ADAMTS18: variants seen among roughly 807,000 people sequenced by gnomAD.
ADAMTS18 encodes A disintegrin and metalloproteinase with thrombospondin motifs 18.
In ADAMTS18, 157 loss-of-function variants were observed where a neutral mutation model predicts 165.9. The ratio of observed to expected loss-of-function variants is 0.95; its 90% CI spans 0.83 to 1.08. The LOEUF is 1.08. Among genes scored for constraint, ADAMTS18 ranks in the 50% least tolerant of loss-of-function variants. The pLI, the probability that ADAMTS18 is intolerant of heterozygous loss-of-function variation, is 0.00. For missense variants in ADAMTS18, 2,040 were observed against 1,534.0 expected (o/e 1.33, Z -5.51); for synonymous variants, 782 against 578.2 (o/e 1.35, Z -5.06).
At chr16:77,426,750 G>A (rs751912073) in intron 3 of ADAMTS18, among the ~76,000 whole-genome samples, 15 of 152,204 alleles carry the variant, frequency 9.9e-5, no homozygotes, top group Middle Eastern at 3.4e-3. Context: ...GGTGGGGTGT[G>A]GTGGCTCAAG....
At chr16:77,374,881 A>T (rs2056926991) in intron 3 of ADAMTS18, among the ~76,000 whole-genome samples, 1 of 152,110 alleles carries the variant, frequency 6.6e-6, no homozygotes, top group African/African-American at 2.4e-5. Context: ...ACAAAACAAG[A>T]ATTTTACAGT....
At chr16:77,331,184 T>C (rs1427392896) in intron 12 of ADAMTS18, among the ~76,000 whole-genome samples, 1 of 152,186 alleles carries the variant, frequency 6.6e-6, no homozygotes, top group Non-Finnish European at 1.5e-5. Flanking sequence ...CAATGCCCTA[T>C]TATAATGAGA....
chr16:77,427,871 A>G (rs1159058626), intron 3 of ADAMTS18, among the ~76,000 whole-genome samples: 1 of 152,224 alleles, frequency 6.6e-6, no homozygotes, highest in East Asian at 1.9e-4. Flanking sequence ...ACAGTCTGCT[A>G]GCAAAATTTT....
chr16:77,382,372 G>A (rs1449503368), intron 3 of ADAMTS18, among the ~76,000 whole-genome samples: 2 of 152,034 alleles, frequency 1.3e-5, no homozygotes, highest in East Asian at 3.9e-4. Flanking sequence ...CACCACGCCT[G>A]GCTAATTTTT....
rs112141546 is a variant in ADAMTS18 at position 77,367,618 on chromosome 16, C to T, written c.601G>A (p.Val201Ile). The T allele has an allele frequency of 9.2e-4, 1,492 of 1,614,140 alleles. 13 individuals are homozygous for T. In the African/African-American group the frequency reaches 0.018, roughly 19 times the overall value. ...TCCTCTGCTGTCCTTTTGTACAGTACGTGAGGATGGTGACCCGCAGGGGAG... is the reference window on the plus strand; with the variant it reads ...TCCTCTGCTGTCCTTTTGTACAGTATGTGAGGATGGTGACCCGCAGGGGAG... ...YSSPAGHHPH[V>I]LYKRTAEEKI... The change falls in exon 4 of 23, where the codon GTA becomes ATA. Residue 201 changes from valine to isoleucine, a missense_variant. By Grantham distance (29) the Val-to-Ile change is conservative. Coordinates refer to ENST00000282849, the MANE Select transcript of ADAMTS18 (RefSeq NM_199355.4).
intron 3 of ADAMTS18, among the ~76,000 whole-genome samples, chr16:77,390,493 C>G (rs2057170733): frequency 6.6e-6 from 1 of 151,968 alleles, no homozygotes; most frequent in African/African-American, 2.4e-5. Context: ...AGTTTGAGAC[C>G]AGCCTGACCG....
intron 2 of ADAMTS18, among the ~76,000 whole-genome samples, chr16:77,432,105 TC>T (rs1007278466): frequency 3.7e-4 from 57 of 152,292 alleles, no homozygotes; most frequent in African/African-American, 1.1e-3. Context: ...ACATTTCAAG[TC>T]CTAACTCACA....
intron 16 of ADAMTS18, among the ~76,000 whole-genome samples, chr16:77,314,753 C>CATATGTATATATATATATATATATAT (rs2055852182): frequency 2.7e-5 from 1 of 36,902 alleles, no homozygotes; most frequent in African/African-American, 1.1e-4. Context: ...TCTCAGGTTT[C>CATATGTATATATATATATATATATAT]ATATATATAT....
At chr16:77,429,659 A>C (rs1037379666) in intron 3 of ADAMTS18, among the ~76,000 whole-genome samples, 1 of 152,194 alleles carries the variant, frequency 6.6e-6, no homozygotes, top group East Asian at 1.9e-4. Context: ...CTCATGTGAA[A>C]TTTTGATAAT....
chr16:77,389,366 T>C lies in ADAMTS18; in HGVS notation c.496-21643A>G, dbSNP rs201767961. On this transcript the variant is annotated intron_variant, in intron 3 of 22. Coordinates refer to ENST00000282849, the MANE Select transcript of ADAMTS18 (RefSeq NM_199355.4). Reference sequence around the variant, plus strand: ...ATTCCACAAAATGCATCTAAGATTATAGCTTAAGTGAGGGGGTAGGTTTTG... The same window carrying C: ...ATTCCACAAAATGCATCTAAGATTACAGCTTAAGTGAGGGGGTAGGTTTTG... 6.6e-5 allele frequency among the ~76,000 whole-genome samples: 10 copies of C among 152,184 alleles called. No homozygotes were observed. In the East Asian group the frequency reaches 1.9e-3, roughly 29 times the overall value.
At chr16:77,346,885 T>C (rs1209894810) in intron 10 of ADAMTS18, among the ~76,000 whole-genome samples, 3 of 152,200 alleles carry the variant, frequency 2.0e-5, no homozygotes, top group Non-Finnish European at 2.9e-5. Context: ...TTGGCAGATA[T>C]ATACACCACT....
intron 15 of ADAMTS18, among the ~76,000 whole-genome samples, chr16:77,320,413 C>T (rs577508129): frequency 1.4e-4 from 22 of 152,186 alleles, no homozygotes; most frequent in East Asian, 3.9e-4. Flanking sequence ...CCAAAGTGGG[C>T]GGATCACCCA....
rs544515269 is a variant in ADAMTS18 at position 77,434,401 on chromosome 16, G to T, written c.178+17C>A. 2 of 1,562,788 alleles carry T rather than the reference G, an allele frequency of 1.3e-6. No individual in the cohort carries two copies. The highest frequency in any genetic ancestry group is 1.7e-4 in the Middle Eastern group (1 of 5,992). ...GCTGCGAAAGGCCCTTCTTGGGGAT[G>T]GGGGGCAAATACGAACCATCATTTA... On this transcript the variant is annotated intron_variant, in intron 2 of 22. Transcript: ENST00000282849.
At chr16:77,361,575 T>C (rs961469728) in intron 7 of ADAMTS18, among the ~76,000 whole-genome samples, 1 of 152,054 alleles carries the variant, frequency 6.6e-6, no homozygotes, top group Admixed American at 6.6e-5. Context: ...TCAATGATCA[T>C]CAGTAGGATC....
chr16:77,287,256 C>T (rs1331463625), intron 22 of ADAMTS18, among the ~76,000 whole-genome samples: 1 of 152,152 alleles, frequency 6.6e-6, no homozygotes, highest in Middle Eastern at 3.2e-3. Flanking sequence ...CGCCTCCTTA[C>T]TGCTCACTAA....
chr16:77,300,709 T>A (rs551026851), intron 16 of ADAMTS18, among the ~76,000 whole-genome samples: 6 of 152,174 alleles, frequency 3.9e-5, no homozygotes, highest in South Asian at 2.1e-4. Flanking sequence ...CACACACATA[T>A]ATGTATCATA....
intron 16 of ADAMTS18, among the ~76,000 whole-genome samples, chr16:77,315,849 T>A (rs1475231737): frequency 2.6e-5 from 4 of 152,190 alleles, no homozygotes; most frequent in Non-Finnish European, 5.9e-5. Flanking sequence ...TTTTCATGCA[T>A]TTTAAACACA....
chr16:77,353,816 G>A lies in ADAMTS18; in HGVS notation c.1531C>T (p.Pro511Ser). Residue 511 changes from proline to serine, a missense_variant, in exon 10 of 23, where the codon CCA (proline) becomes TCA (serine). Pro to Ser is a moderately conservative substitution (Grantham distance 74). Transcript: ENST00000282849. ...GTGTCAGCATCATAAATCTGTCCTGGTAGTTTGTCCGGATATTTATACTGT... is the reference window on the plus strand; with the variant it reads ...GTGTCAGCATCATAAATCTGTCCTGATAGTTTGTCCGGATATTTATACTGT... The part of the protein sequence containing the change: ...AGQYKYPDKL[P>S]GQIYDADTQC... The A allele has an allele frequency of 6.2e-7, 1 of 1,614,106 alleles. No individual in the cohort carries two copies. Among genetic ancestry groups the A allele is most frequent in the Non-Finnish European group, 8.5e-7 (1 of 1,180,018 alleles).
At chr16:77,316,163 C>G (rs1385908617) in intron 16 of ADAMTS18, among the ~76,000 whole-genome samples, 4 of 152,202 alleles carry the variant, frequency 2.6e-5, no homozygotes, top group African/African-American at 9.6e-5. Flanking sequence ...GTTTCAGCGT[C>G]TATTACTCCT....
Sources: gnomAD v4.1 joint callset for allele counts (sites outside exome capture counted in the v4.1 genomes callset) on GRCh38, gnomAD v4.1.1 for gene constraint, MANE v1.5 for transcripts, NCBI Gene and HGNC (gene_info 2026-07-23, HGNC 2026-07-21) for gene names.